Variants in TUSC3 observed in about 807,000 individuals in gnomAD.
TUSC3 encodes dolichyl-diphosphooligosaccharide--protein glycosyltransferase subunit TUSC3.
Under a neutral mutation model 44.8 loss-of-function variants are expected in TUSC3, and 45 were observed. The ratio of observed to expected loss-of-function variants is 1.00; its 90% CI spans 0.79 to 1.29. The LOEUF is 1.29. Among genes scored for constraint, TUSC3 ranks in the 50% most tolerant of loss-of-function variants. The pLI is 0.00. For synonymous variants in TUSC3, 212 were observed against 152.9 expected, an observed-to-expected ratio of 1.39 and a Z score of -2.85; for missense variants, 519 against 437.9, an observed-to-expected ratio of 1.19 and a Z score of -1.65.
intron 6 of TUSC3, among the ~76,000 whole-genome samples, chr8:15,701,402 T>A (rs1340572275): frequency 6.6e-6 from 1 of 152,200 alleles, no homozygotes; most frequent in East Asian, 1.9e-4. Context: ...TGAAGATGAT[T>A]TGTAAAATAC....
the TUSC3 span, among the ~76,000 whole-genome samples, chr8:15,826,066 T>C: frequency 6.6e-6 from 1 of 152,132 alleles, no homozygotes; most frequent in Non-Finnish European, 1.5e-5. Context: ...TTTGTATTTC[T>C]AGGGTGAGGT....
chr8:15,565,179 T>C (rs1006580103), intron 1 of TUSC3, among the ~76,000 whole-genome samples: 1 of 151,556 alleles, frequency 6.6e-6, no homozygotes, highest in African/African-American at 2.4e-5. Flanking sequence ...TTTTTTTTTT[T>C]GTCTTTTGCA....
chr8:15,664,274 C>G (rs1807555978), intron 5 of TUSC3, among the ~76,000 whole-genome samples: 1 of 151,564 alleles, frequency 6.6e-6, no homozygotes, highest in South Asian at 2.1e-4. Flanking sequence ...AGCTGGGCTT[C>G]TTTAAATCTG....
At chr8:15,805,395 T>A in the TUSC3 span, among the ~76,000 whole-genome samples, 1 of 152,158 alleles carries the variant, frequency 6.6e-6, no homozygotes, top group South Asian at 2.1e-4. Flanking sequence ...AGAGTGGGCA[T>A]CTTTGTCTTG....
At chr8:15,498,101 G>A (rs1233067652) in intron 2 of TUSC3, among the ~76,000 whole-genome samples, 1 of 152,142 alleles carries the variant, frequency 6.6e-6, no homozygotes, top group Non-Finnish European at 1.5e-5. Flanking sequence ...GTATGCTGAT[G>A]ATGACCTATC....
chr8:15,654,137 A>G (rs966520660), intron 3 of TUSC3, among the ~76,000 whole-genome samples: 1 of 152,228 alleles, frequency 6.6e-6, no homozygotes, highest in Non-Finnish European at 1.5e-5. Flanking sequence ...AAGAACCTCT[A>G]AAGTTTTAGA....
intron 1 of TUSC3, among the ~76,000 whole-genome samples, chr8:15,548,414 A>G (rs1801947338): frequency 6.6e-6 from 1 of 151,930 alleles, no homozygotes; most frequent in African/African-American, 2.4e-5. Context: ...TGGCTTTGGG[A>G]AAGTTTCCTT....
intron 2 of TUSC3, among the ~76,000 whole-genome samples, chr8:15,494,087 C>T (rs1444873919): frequency 2.0e-5 from 3 of 152,204 alleles, no homozygotes; most frequent in Non-Finnish European, 4.4e-5. Flanking sequence ...CAGCCTGCTG[C>T]TATACCAGCT....
chr8:15,710,570 C>A (rs1809798997), intron 6 of TUSC3, among the ~76,000 whole-genome samples: 2 of 151,682 alleles, frequency 1.3e-5, no homozygotes, highest in Admixed American at 1.3e-4. Flanking sequence ...ACTTGTTTAC[C>A]TCTCCACTGT....
In TUSC3 at chr8:15,625,034, A is replaced by G. The variant is rs147657862; in HGVS notation, c.308+1785A>G. On this transcript the variant is annotated intron_variant, in intron 2 of 10. Coordinates refer to ENST00000503731, the MANE Select transcript of TUSC3 (RefSeq NM_006765.4). ...TTTATCAAGTTGAGGAAGTTGCTCT[A>G]TATTCCTAGTTTGCTGACAGTTTTT... Among the ~76,000 whole-genome samples the G allele has an allele frequency of 5.4e-3, 829 of 152,218 alleles. 2 individuals are homozygous for G. Among genetic ancestry groups the G allele is most frequent in the African/African-American group, 0.017 (705 of 41,550 alleles).
intron 1 of TUSC3, among the ~76,000 whole-genome samples, chr8:15,609,890 A>G (rs1449184675): frequency 1.3e-5 from 2 of 152,110 alleles, no homozygotes; most frequent in Admixed American, 6.6e-5. Context: ...TGATACTAAT[A>G]TATTACTATG....
At chr8:15,611,014 A>G (rs960915438) in intron 1 of TUSC3, among the ~76,000 whole-genome samples, 1 of 152,212 alleles carries the variant, frequency 6.6e-6, no homozygotes, top group African/African-American at 2.4e-5. Context: ...TTTTTCAAAA[A>G]AAGTGTGATA....
chr8:15,432,001 G>A (rs544623630), intron 1 of TUSC3, among the ~76,000 whole-genome samples: 20 of 151,586 alleles, frequency 1.3e-4, no homozygotes, highest in Middle Eastern at 3.4e-3. Flanking sequence ...TTCTTTTAAT[G>A]TTCAATGGCA....
At chr8:15,706,968 C>G (rs1005381396) in intron 6 of TUSC3, among the ~76,000 whole-genome samples, 4 of 151,856 alleles carry the variant, frequency 2.6e-5, no homozygotes, top group Non-Finnish European at 5.9e-5. Context: ...TACTTTTGAT[C>G]ATTGAATCAT....
chr8:15,674,534 G>A (rs1052812701), intron 6 of TUSC3, among the ~76,000 whole-genome samples: 2 of 151,622 alleles, frequency 1.3e-5, no homozygotes, highest in African/African-American at 4.8e-5. Context: ...TAATATAATG[G>A]CATGGCTTCT....
intron 2 of TUSC3, among the ~76,000 whole-genome samples, chr8:15,635,078 G>A (rs998886153): frequency 6.6e-5 from 10 of 151,864 alleles, no homozygotes; most frequent in African/African-American, 2.4e-4. Context: ...CCCCCCAAAG[G>A]TAGGCTGCCA....
upstream of TUSC3, among the ~76,000 whole-genome samples, chr8:15,536,368 C>G (rs574545042): frequency 6.6e-6 from 1 of 152,118 alleles, no homozygotes; most frequent in South Asian, 2.1e-4. Flanking sequence ...AAGGATCACT[C>G]CAGACACTTT....
intron 1 of TUSC3, among the ~76,000 whole-genome samples, chr8:15,603,206 T>G (rs1022637800): frequency 6.6e-6 from 1 of 151,568 alleles, no homozygotes; most frequent in East Asian, 1.9e-4. Flanking sequence ...AATTGAAAAA[T>G]AGATAATCTG....
At chr8:15,716,692 T>A (rs965256436) in intron 6 of TUSC3, among the ~76,000 whole-genome samples, 3 of 152,110 alleles carry the variant, frequency 2.0e-5, no homozygotes, top group Non-Finnish European at 2.9e-5. Context: ...AGAAACTTCA[T>A]TTACAAAAAA....
Sources: gnomAD v4.1 joint callset for allele counts (sites outside exome capture counted in the v4.1 genomes callset) on GRCh38, gnomAD v4.1.1 for gene constraint, MANE v1.5 for transcripts, NCBI Gene and HGNC (gene_info 2026-07-23, HGNC 2026-07-21) for gene names.